The following RGS6 variants were observed in gnomAD, a reference collection of about 807,000 sequenced individuals.
The protein encoded by RGS6 is regulator of G protein signaling 6, also known as regulator of G-protein signaling 6.
RGS6 carries 30 observed loss-of-function variants against 78.5 expected under a neutral mutation model. The observed-to-expected ratio is 0.38, with a 90% CI of 0.29 to 0.52. RGS6 has a LOEUF of 0.52. Ranked by LOEUF, RGS6 falls within the 20% of genes least tolerant of loss-of-function variation. The probability of loss-of-function intolerance (pLI) is 0.85; values close to 1 mark genes in which losing one functional copy is unlikely to be tolerated. For synonymous variants in RGS6, 206 were observed against 206.0 expected (o/e 1.00, Z 0.00); for missense variants, 495 against 609.7 (o/e 0.81, Z 1.98).
chr14:72,211,703 G>A (rs2044206379), intron 2 of RGS6, among the ~76,000 whole-genome samples: 1 of 152,018 alleles, frequency 6.6e-6, no homozygotes, highest in African/African-American at 2.4e-5. Context: ...AATAGACTTG[G>A]GATACGAAGT....
At chr14:72,620,372 T>A in the RGS6 span, among the ~76,000 whole-genome samples, 5 of 152,326 alleles carry the variant, frequency 3.3e-5, no homozygotes, top group East Asian at 7.7e-4. Flanking sequence ...TATTTGAAGA[T>A]CTTAATTGAA....
the RGS6 span, among the ~76,000 whole-genome samples, chr14:71,920,092 C>A: frequency 6.6e-6 from 1 of 152,178 alleles, no homozygotes; most frequent in Admixed American, 6.5e-5. Context: ...AGGCAGCTCA[C>A]CCTTACATGA....
At position 72,379,846 on chromosome 14, in the gene RGS6, C is replaced by T. The variant is rs529533189; in HGVS notation, c.184+27652C>T. Among the ~76,000 whole-genome samples the T allele has an allele frequency of 2.6e-5, 4 of 152,030 alleles. No homozygotes were observed. The South Asian group carries it at 8.3e-4, about 32-fold the overall frequency. ...AAAATGTACATGGAACCACAAAAGA[C>T]CATGAATAGCCAAGGCAATCCTCAG... is the stretch of plus-strand genomic sequence containing the variant. On this transcript the variant is annotated intron_variant, in intron 3 of 17. Transcript: ENST00000553525.
chr14:72,098,508 A>G (rs2095458522), intron 2 of RGS6, among the ~76,000 whole-genome samples: 1 of 152,206 alleles, frequency 6.6e-6, no homozygotes, highest in Admixed American at 6.5e-5. Flanking sequence ...GTTCTTTTTT[A>G]GCTTAATGAG....
intron 2 of RGS6, among the ~76,000 whole-genome samples, chr14:72,143,665 G>A (rs2153617762): frequency 6.6e-6 from 1 of 152,174 alleles, no homozygotes; most frequent in Admixed American, 6.5e-5. Context: ...CTGAGCTAAG[G>A]GGATATTCAC....
chr14:72,414,398 C>A (rs1200027140), intron 3 of RGS6, among the ~76,000 whole-genome samples: 1 of 152,158 alleles, frequency 6.6e-6, no homozygotes, highest in Admixed American at 6.5e-5. Flanking sequence ...GTTCTCGTGC[C>A]GTGGTTTTCA....
intron 11 of RGS6, among the ~76,000 whole-genome samples, chr14:72,477,818 A>G (rs773959736): frequency 1.8e-5 from 2 of 112,338 alleles, no homozygotes; most frequent in South Asian, 3.2e-4. Context: ...AGAAAAAAAG[A>G]AAAAAAAACC....
At chr14:72,086,086 TA>T (rs1188953832) in intron 2 of RGS6, among the ~76,000 whole-genome samples, 1 of 152,084 alleles carries the variant, frequency 6.6e-6, no homozygotes, top group Non-Finnish European at 1.5e-5. Context: ...TGAAGTCATT[TA>T]AAAAAATGTC....
chr14:72,580,154 G>A, the RGS6 span, among the ~76,000 whole-genome samples: 7 of 152,104 alleles, frequency 4.6e-5, no homozygotes, highest in Admixed American at 4.6e-4. Context: ...CTAATTAATG[G>A]AGGGACTGTA....
At chr14:72,468,375 CAA>C (rs5809574) in intron 7 of RGS6, among the ~76,000 whole-genome samples, 5 of 132,554 alleles carry the variant, frequency 3.8e-5, no homozygotes, top group Non-Finnish European at 3.2e-5. Context: ...GACTCCGTCT[CAA>C]AAAAAAAAAA....
At chr14:71,995,510 G>A (rs1402470473) in intron 2 of RGS6, among the ~76,000 whole-genome samples, 4 of 152,200 alleles carry the variant, frequency 2.6e-5, no homozygotes, top group East Asian at 1.9e-4. Flanking sequence ...CTGCTGTGTC[G>A]CTTACTGGCT....
chr14:71,936,030 A>ATATATG (rs1555390441), intron 1 of RGS6, among the ~76,000 whole-genome samples: 2,337 of 133,216 alleles, frequency 0.018, 147 homozygotes, highest in African/African-American at 0.059. Context: ...ATATATATAT[A>ATATATG]TATATATATA....
Position 72,421,189 on chromosome 14 carries a change from C to T in RGS6, c.185-33339C>T, listed in dbSNP as rs17115503. On this transcript the variant is annotated intron_variant, in intron 3 of 17. Coordinates refer to ENST00000553525, the MANE Select transcript of RGS6 (RefSeq NM_001204424.2). ...TGACAGCAAGCAGCATGGATTGGTT[C>T]GAATAATTTTCACCAGAAATGTGGG... 2.0e-5 allele frequency: 3 copies of T among 151,114 alleles called. No individual in the cohort carries two copies. The East Asian group carries it at 5.9e-4, about 30-fold the overall frequency. 9.4% of individuals were successfully genotyped at this position (151,114 alleles called of 1,614,324 possible). A position where few individuals can be genotyped will look rare whatever the true frequency, so the allele number is the denominator to read the frequency against.
chr14:72,540,340 G>A (rs2097307963), intron 17 of RGS6: 1 of 1,460,964 alleles, frequency 6.8e-7, no homozygotes, highest in Non-Finnish European at 9.0e-7. Flanking sequence ...CCAGCCTCAG[G>A]CCTGGGCATT....
At chr14:72,550,730 A>C in intron 17 of RGS6, 1 of 1,171,292 alleles carries the variant, frequency 8.5e-7, no homozygotes, top group Non-Finnish European at 1.2e-6. Context: ...TGGAGGTTTT[A>C]CACCTGATGG....
chr14:72,485,982 A>C (rs906003245), intron 12 of RGS6, among the ~76,000 whole-genome samples: 9 of 152,134 alleles, frequency 5.9e-5, no homozygotes, highest in Admixed American at 1.3e-4. Flanking sequence ...TAGTTCCCAT[A>C]ATCCCCACAC....
At chr14:72,253,496 T>A (rs376010161) in intron 2 of RGS6, among the ~76,000 whole-genome samples, 47 of 152,222 alleles carry the variant, frequency 3.1e-4, no homozygotes, top group African/African-American at 1.1e-3. Flanking sequence ...GCTACTCAAT[T>A]CTATGGCAAA....
rs117520092 is a variant in RGS6 at position 72,558,674 on chromosome 14, G to A, written c.1423-3743G>A. Among the ~76,000 whole-genome samples the A allele has an allele frequency of 2.2e-4, 33 of 152,266 alleles. No individual in the cohort carries two copies. In the East Asian group the frequency reaches 5.4e-3, roughly 25 times the overall value. Reference sequence around the variant, plus strand: ...CAGAGCTGAAATGATTAATCAGAGCGGAGGGTGGGAATTGAATGTGTGGGT... The same window carrying A: ...CAGAGCTGAAATGATTAATCAGAGCAGAGGGTGGGAATTGAATGTGTGGGT... On this transcript the variant is annotated intron_variant, in intron 17 of 17. Transcript: ENST00000553525.
the RGS6 span, among the ~76,000 whole-genome samples, chr14:71,914,228 A>G: frequency 1.3e-5 from 2 of 152,206 alleles, no homozygotes; most frequent in African/African-American, 4.8e-5. Flanking sequence ...GTGGAAGAAG[A>G]GGCATTTTCT....
Sources: gnomAD v4.1 joint callset for allele counts (sites outside exome capture counted in the v4.1 genomes callset) on GRCh38, gnomAD v4.1.1 for gene constraint, MANE v1.5 for transcripts, NCBI Gene and HGNC (gene_info 2026-07-23, HGNC 2026-07-21) for gene names.